Variants in ERG observed in about 807,000 individuals in gnomAD.
ERG encodes the protein transcriptional regulator ERG.
A neutral mutation model predicts 55.3 loss-of-function variants in ERG; 9 were observed. The observed-to-expected ratio is 0.16, with a 90% CI of 0.10 to 0.28. The LOEUF (loss-of-function observed/expected upper bound fraction) is 0.28. ERG is among the 10% of genes least tolerant of loss of function. The pLI is 1.00. For synonymous variants in ERG, 223 were observed against 237.3 expected, an observed-to-expected ratio of 0.94 and a Z score of 0.55; for missense variants, 434 against 631.6, an observed-to-expected ratio of 0.69 and a Z score of 3.35.
intron 2 of ERG, among the ~76,000 whole-genome samples, chr21:38,539,119 T>C (rs1270941856): frequency 6.6e-6 from 1 of 152,244 alleles, no homozygotes; most frequent in African/African-American, 2.4e-5. Flanking sequence ...GGCTGTAAAC[T>C]AATGCATAAT....
chr21:38,594,697 T>A (rs574825054), intron 1 of ERG, among the ~76,000 whole-genome samples: 1 of 151,960 alleles, frequency 6.6e-6, no homozygotes, highest in Non-Finnish European at 1.5e-5. Context: ...ACCCAGATCA[T>A]GAAAAATAGG....
chr21:38,456,649 C>T (rs917693768), intron 1 of ERG, among the ~76,000 whole-genome samples: 5 of 152,280 alleles, frequency 3.3e-5, no homozygotes, highest in South Asian at 2.1e-4. Flanking sequence ...TGAACACAGA[C>T]GTTTTCTTTT....
intron 1 of ERG, among the ~76,000 whole-genome samples, chr21:38,482,898 G>A (rs1185021486): frequency 1.3e-5 from 2 of 152,046 alleles, no homozygotes; most frequent in Non-Finnish European, 2.9e-5. Flanking sequence ...GGCTGGTCTC[G>A]AACTCCTGGC....
chr21:38,406,891 A>C (rs1418483670), intron 3 of ERG, among the ~76,000 whole-genome samples: 1 of 152,198 alleles, frequency 6.6e-6, no homozygotes, highest in Admixed American at 6.5e-5. Context: ...TGGCCCATTC[A>C]GTTTTCCTTT....
intron 1 of ERG, among the ~76,000 whole-genome samples, chr21:38,623,033 A>G (rs1444518452): frequency 6.9e-6 from 1 of 145,344 alleles, no homozygotes; most frequent in African/African-American, 2.5e-5. Flanking sequence ...CACACACCAC[A>G]TACACACAAG....
intron 2 of ERG, among the ~76,000 whole-genome samples, chr21:38,560,385 G>C (rs543982671): frequency 6.6e-6 from 1 of 152,192 alleles, no homozygotes; most frequent in East Asian, 1.9e-4. Context: ...CCTCATCCCA[G>C]ACAGCCCTGA....
intron 2 of ERG, among the ~76,000 whole-genome samples, chr21:38,572,009 C>T (rs1249876355): frequency 6.6e-6 from 1 of 152,112 alleles, no homozygotes; most frequent in Non-Finnish European, 1.5e-5. Flanking sequence ...AAAACAAAAT[C>T]TTCCACTATA....
At chr21:38,373,768 A>G in the ERG span, among the ~76,000 whole-genome samples, 1 of 152,230 alleles carries the variant, frequency 6.6e-6, no homozygotes. Flanking sequence ...TTCCACATCT[A>G]CTATTGTAGA....
chr21:38,533,316 A>C (rs369215600), intron 2 of ERG, among the ~76,000 whole-genome samples: 1 of 152,210 alleles, frequency 6.6e-6, no homozygotes, highest in African/African-American at 2.4e-5. Context: ...CTGGTTTAAA[A>C]ATTCATTTAT....
intron 1 of ERG, among the ~76,000 whole-genome samples, chr21:38,485,960 G>T (rs1187375725): frequency 6.6e-6 from 1 of 151,640 alleles, no homozygotes; most frequent in Non-Finnish European, 1.5e-5. Context: ...TTGAGATGGG[G>T]TCTCGCTCTG....
intron 1 of ERG, among the ~76,000 whole-genome samples, chr21:38,625,019 G>A (rs930025401): frequency 6.6e-6 from 1 of 152,056 alleles, no homozygotes; most frequent in South Asian, 2.1e-4. Flanking sequence ...TTAAATTCCT[G>A]CTATCCTGTC....
At chr21:38,528,330 A>T (rs1053856227) in intron 2 of ERG, among the ~76,000 whole-genome samples, 9 of 151,414 alleles carry the variant, frequency 5.9e-5, no homozygotes. Flanking sequence ...AGTTCCAGCT[A>T]CTCAGGAGAA....
At position 38,498,400 on chromosome 21, in the gene ERG, A is replaced by G. The variant is rs1420183468; in HGVS notation, c.-20T>C. ...GGCCATAATGCGATCAAGTTTATTG[A>G]TCGTTAATAAATGTTAATAATAATT... On this transcript the variant is annotated 5_prime_UTR_variant, in exon 1 of 10. Coordinates refer to ENST00000288319, the MANE Select transcript of ERG (RefSeq NM_182918.4). This position sits in a 1 kb window ranked among gnomAD's most constrained non-coding sequence, Gnocchi z 4.6. 6.2e-7 allele frequency: 1 copy of G among 1,602,294 alleles called. No individual in the cohort carries two copies. Among genetic ancestry groups the G allele is most frequent in the South Asian group, 1.1e-5 (1 of 88,722 alleles).
intron 2 of ERG, among the ~76,000 whole-genome samples, chr21:38,524,282 CT>C (rs2059615128): frequency 6.6e-6 from 1 of 152,162 alleles, no homozygotes. Flanking sequence ...CACTATGAGC[CT>C]TTCTGGCTTG....
intron 3 of ERG, among the ~76,000 whole-genome samples, chr21:38,416,985 CAT>C: frequency 6.6e-6 from 1 of 152,228 alleles, no homozygotes; most frequent in Non-Finnish European, 1.5e-5. Context: ...TTCGTCCTGT[CAT>C]AGCAATCTCC....
chr21:38,440,416 C>T lies in ERG; in HGVS notation c.236+4988G>A, dbSNP rs564083159. 6.6e-5 allele frequency among the ~76,000 whole-genome samples: 10 copies of T among 152,328 alleles called. No homozygotes were observed. In the South Asian group the frequency reaches 1.2e-3, roughly 19 times the overall value. On this transcript the variant is annotated intron_variant, in intron 2 of 9. Coordinates refer to ENST00000288319, the MANE Select transcript of ERG (RefSeq NM_182918.4). ...TCCGTGAACCCTGCCTCTGCCCTGGCCCCTCGAGCTGGGCTGACACAGCCC... is the reference window on the plus strand; with the variant it reads ...TCCGTGAACCCTGCCTCTGCCCTGGTCCCTCGAGCTGGGCTGACACAGCCC...
At chr21:38,371,369 C>A in the ERG span, among the ~76,000 whole-genome samples, 1 of 151,954 alleles carries the variant, frequency 6.6e-6, no homozygotes, top group African/African-American at 2.4e-5. Flanking sequence ...CCAATACTTA[C>A]CATTTTTATT....
intron 2 of ERG, among the ~76,000 whole-genome samples, chr21:38,532,425 G>A (rs986116198): frequency 2.6e-5 from 4 of 151,624 alleles, no homozygotes; most frequent in African/African-American, 7.3e-5. Flanking sequence ...AAGTCACTAC[G>A]AAAGTTACTT....
chr21:38,545,916 C>A (rs2059785237), intron 2 of ERG, among the ~76,000 whole-genome samples: 1 of 152,226 alleles, frequency 6.6e-6, no homozygotes, highest in South Asian at 2.1e-4. Flanking sequence ...AGATTGCGAA[C>A]CAAATCTACA....
Sources: allele counts gnomAD v4.1 joint callset (sites outside exome capture counted in the v4.1 genomes callset), GRCh38; gene constraint gnomAD v4.1.1; non-coding constraint Gnocchi (gnomAD v3.1); transcripts MANE v1.5; gene names NCBI Gene and HGNC (gene_info 2026-07-23, HGNC 2026-07-21).